Variants in CHCHD3 observed in about 807,000 individuals in gnomAD.
CHCHD3 encodes MICOS complex subunit MIC19.
CHCHD3 carries 20 observed loss-of-function variants against 38.2 expected under a neutral mutation model. The ratio of observed to expected loss-of-function variants is 0.52; its 90% CI spans 0.37 to 0.76. The LOEUF (loss-of-function observed/expected upper bound fraction) is 0.76, where lower values mean the gene tolerates loss of function less well. CHCHD3 is among the 30% of genes least tolerant of loss of function. The pLI, the probability that CHCHD3 is intolerant of heterozygous loss-of-function variation, is 0.00. For synonymous variants in CHCHD3, 82 were observed against 100.0 expected, an observed-to-expected ratio of 0.82 and a Z score of 1.07; for missense variants, 245 against 279.2, an observed-to-expected ratio of 0.88 and a Z score of 0.87.
intron 6 of CHCHD3, among the ~76,000 whole-genome samples, chr7:132,824,307 T>C (rs929038866): frequency 5.6e-5 from 8 of 143,766 alleles, no homozygotes; most frequent in Non-Finnish European, 1.2e-4. Context: ...TCCCAAGTAG[T>C]AGAACTCTTT....
chr7:132,859,574 G>A (rs1808431025), intron 5 of CHCHD3, among the ~76,000 whole-genome samples: 1 of 152,194 alleles, frequency 6.6e-6, no homozygotes, highest in South Asian at 2.1e-4. Context: ...AGATTAGCCA[G>A]AGACTTTGTT....
intron 4 of CHCHD3, among the ~76,000 whole-genome samples, chr7:132,918,366 T>C (rs567628477): frequency 1.6e-4 from 25 of 152,282 alleles, no homozygotes; most frequent in African/African-American, 5.5e-4. Context: ...AATGGGCTGC[T>C]GGGAGAATTA....
intron 4 of CHCHD3, among the ~76,000 whole-genome samples, chr7:132,934,419 C>A (rs571673352): frequency 6.6e-6 from 1 of 152,290 alleles, no homozygotes. Context: ...GGGTGGGACA[C>A]AGATAAGCAG....
chr7:133,081,085 T>A (rs1489872127), intron 1 of CHCHD3, among the ~76,000 whole-genome samples: 2 of 152,022 alleles, frequency 1.3e-5, no homozygotes, highest in African/African-American at 4.8e-5. Context: ...ATGTATCAGG[T>A]GCATGCAAAG....
chr7:132,891,543 C>A (rs1809360044), intron 4 of CHCHD3, among the ~76,000 whole-genome samples: 1 of 152,212 alleles, frequency 6.6e-6, no homozygotes, highest in South Asian at 2.1e-4. Flanking sequence ...ATCAAGGCAG[C>A]TGGTTTTGGT....
intron 2 of CHCHD3, among the ~76,000 whole-genome samples, chr7:133,031,254 G>C (rs1228032618): frequency 6.6e-6 from 1 of 152,050 alleles, no homozygotes; most frequent in African/African-American, 2.4e-5. Flanking sequence ...TACCGAAACT[G>C]GTTAAACTAA....
chr7:132,867,421 G>A (rs1808660942), intron 5 of CHCHD3, among the ~76,000 whole-genome samples: 1 of 152,096 alleles, frequency 6.6e-6, no homozygotes, highest in Admixed American at 6.5e-5. Context: ...TTATTTGAAA[G>A]TATTCTAAAT....
chr7:132,959,733 A>G (rs1320695822), intron 4 of CHCHD3, among the ~76,000 whole-genome samples: 3 of 151,702 alleles, frequency 2.0e-5, no homozygotes, highest in Non-Finnish European at 4.4e-5. Flanking sequence ...AAAAAAAAAA[A>G]AAAAAAAGAA....
intron 4 of CHCHD3, among the ~76,000 whole-genome samples, chr7:132,903,448 T>C (rs1159901500): frequency 6.6e-6 from 1 of 152,182 alleles, no homozygotes; most frequent in Non-Finnish European, 1.5e-5. Context: ...TATTTTTTTA[T>C]CTTACAGTTA....
intron 6 of CHCHD3, among the ~76,000 whole-genome samples, chr7:132,816,689 G>A (rs953170428): frequency 6.6e-6 from 1 of 152,142 alleles, no homozygotes; most frequent in Non-Finnish European, 1.5e-5. Flanking sequence ...TTATGGCAGC[G>A]GCTTGCCTGA....
intron 2 of CHCHD3, among the ~76,000 whole-genome samples, chr7:133,061,290 G>A (rs1386026103): frequency 2.6e-5 from 4 of 152,102 alleles, no homozygotes; most frequent in African/African-American, 9.7e-5. Context: ...TCAGGGTAAT[G>A]CAGGAAAAAG....
intron 4 of CHCHD3, among the ~76,000 whole-genome samples, chr7:132,969,162 T>TC (rs1183332770): frequency 6.6e-6 from 1 of 151,800 alleles, no homozygotes; most frequent in African/African-American, 2.4e-5. Context: ...TACTGTGTTT[T>TC]TTTTTTTTCT....
At chr7:132,870,742 C>A (rs569516111) in intron 5 of CHCHD3, among the ~76,000 whole-genome samples, 36 of 152,192 alleles carry the variant, frequency 2.4e-4, no homozygotes, top group African/African-American at 7.9e-4. Flanking sequence ...ATTGCAGGAA[C>A]CTAAACAGAC....
intron 4 of CHCHD3, chr7:132,973,797 G>T (rs2117329662): frequency 1.8e-6 from 2 of 1,088,184 alleles, no homozygotes; most frequent in East Asian, 8.1e-5. Flanking sequence ...CTTCTTCTTA[G>T]AAAGTTTTAG....
At chr7:132,988,938 A>T (rs1316254671) in intron 3 of CHCHD3, among the ~76,000 whole-genome samples, 1 of 152,100 alleles carries the variant, frequency 6.6e-6, no homozygotes, top group Non-Finnish European at 1.5e-5. Context: ...TAAAGAAAAT[A>T]AAAAAATAGT....
chr7:133,023,574 A>G (rs1813250925), intron 3 of CHCHD3, among the ~76,000 whole-genome samples: 1 of 152,198 alleles, frequency 6.6e-6, no homozygotes, highest in Non-Finnish European at 1.5e-5. Flanking sequence ...GCTCACAGTA[A>G]AAAGACATTC....
intron 2 of CHCHD3, chr7:133,034,574 A>G (rs62465351): frequency 0.019 from 23,919 of 1,256,946 alleles, 230 homozygotes; most frequent in Non-Finnish European, 0.022. Context: ...CCTGAAGGGC[A>G]GGTGCAGGCA....
intron 4 of CHCHD3, among the ~76,000 whole-genome samples, chr7:132,897,533 G>C (rs917518528): frequency 3.3e-5 from 5 of 152,194 alleles, no homozygotes; most frequent in African/African-American, 1.2e-4. Flanking sequence ...TGTCTGCTAA[G>C]GGAATTCTTG....
chr7:132,795,940 C>T (rs1220433580), intron 7 of CHCHD3, among the ~76,000 whole-genome samples: 2 of 152,102 alleles, frequency 1.3e-5, no homozygotes. Flanking sequence ...TTTTAAAATG[C>T]TATCTCTGGT....
Sources: allele counts gnomAD v4.1 joint callset (sites outside exome capture counted in the v4.1 genomes callset), GRCh38; gene constraint gnomAD v4.1.1; transcripts MANE v1.5; gene names NCBI Gene and HGNC (gene_info 2026-07-23, HGNC 2026-07-21).